Variants in PPP3CB observed in about 807,000 individuals in gnomAD.
The protein encoded by PPP3CB is protein phosphatase 3 catalytic subunit beta, also known as serine/threonine-protein phosphatase 2B catalytic subunit beta isoform.
PPP3CB carries 8 observed loss-of-function variants against 66.4 expected under a neutral mutation model. That is an observed-to-expected ratio of 0.12 (90% confidence interval 0.07 to 0.22). PPP3CB has a LOEUF of 0.22. Among genes scored for constraint, PPP3CB ranks in the 10% least tolerant of loss-of-function variants. The pLI is 1.00. For synonymous variants in PPP3CB, 208 were observed against 221.2 expected (o/e 0.94, Z 0.53); for missense variants, 319 against 642.5 (o/e 0.50, Z 5.44).
chr10:73,486,090 C>A (rs1438029546), intron 1 of PPP3CB, among the ~76,000 whole-genome samples: 1 of 151,716 alleles, frequency 6.6e-6, no homozygotes. Flanking sequence ...GGATTACAGG[C>A]GTGCACCACC....
chr10:73,472,870 A>G (rs1441866552), intron 4 of PPP3CB, among the ~76,000 whole-genome samples: 3 of 152,182 alleles, frequency 2.0e-5, no homozygotes, highest in Non-Finnish European at 1.5e-5. Flanking sequence ...GAGAGATATC[A>G]TGCACTTTCA....
At chr10:73,467,422 T>C in intron 9 of PPP3CB, 131 bp downstream of exon 9, 1 of 676,374 alleles carries the variant, frequency 1.5e-6, no homozygotes, top group Admixed American at 4.0e-5. Flanking sequence ...CCACACCCAC[T>C]GACACAAGGA....
Position 73,438,064 on chromosome 10 carries a change from T to C in PPP3CB, c.*178A>G, listed in dbSNP as rs2056093676. The stretch of plus-strand genomic sequence containing the variant: ...GCAGCGATGACCCAATCTTATCAGA[T>C]AGCACATGTCCCAGGGCCCTCAAGC... On this transcript the variant is annotated 3_prime_UTR_variant, in exon 14 of 14. Coordinates refer to ENST00000360663, the MANE Select transcript of PPP3CB (RefSeq NM_021132.4). 2 of 587,988 alleles carry C rather than the reference T, an allele frequency of 3.4e-6. No individual in the cohort carries two copies. Among genetic ancestry groups the C allele is most frequent in the Non-Finnish European group, 2.8e-6 (1 of 353,652 alleles). 36.4% of individuals were successfully genotyped at this position (587,988 alleles called of 1,614,324 possible). A position where few individuals can be genotyped will look rare whatever the true frequency, so the allele number is the denominator to read the frequency against.
intron 1 of PPP3CB, among the ~76,000 whole-genome samples, chr10:73,487,293 A>G (rs1404094219): frequency 6.6e-6 from 1 of 152,142 alleles, no homozygotes; most frequent in East Asian, 1.9e-4. Flanking sequence ...CATGCCTGTA[A>G]TCCCAGTACT....
At chr10:73,487,038 C>T (rs139779605) in intron 1 of PPP3CB, among the ~76,000 whole-genome samples, 1,784 of 152,084 alleles carry the variant, frequency 0.012, 41 homozygotes, top group African/African-American at 0.041. Flanking sequence ...GGCATGGTGT[C>T]GGGCTCCTAT....
chr10:73,485,114 G>C (rs2056950332), intron 1 of PPP3CB, among the ~76,000 whole-genome samples: 1 of 152,098 alleles, frequency 6.6e-6, no homozygotes, highest in African/African-American at 2.4e-5. Context: ...TAAAAATCTT[G>C]ATTTGGTAAC....
chr10:73,443,266 G>GAGAA (rs1164429950), intron 12 of PPP3CB, among the ~76,000 whole-genome samples: 96 of 64,506 alleles, frequency 1.5e-3, no homozygotes, highest in Non-Finnish European at 2.3e-3. Context: ...GAGAGAGAGA[G>GAGAA]AGAAAGAAAG....
At chr10:73,480,064 T>TGG (rs529386594) in intron 1 of PPP3CB, among the ~76,000 whole-genome samples, 69 of 152,074 alleles carry the variant, frequency 4.5e-4, no homozygotes, top group Non-Finnish European at 9.4e-4. Flanking sequence ...TACAAGGTGA[T>TGG]TTACCATGTT....
intron 4 of PPP3CB, among the ~76,000 whole-genome samples, chr10:73,472,306 C>G (rs1215633448): frequency 6.6e-6 from 1 of 152,044 alleles, no homozygotes; most frequent in Non-Finnish European, 1.5e-5. Flanking sequence ...ACCAGTCTGG[C>G]CAACATGGCA....
chr10:73,495,604 A>C, intron 1 of PPP3CB: 1 of 712,548 alleles, frequency 1.4e-6, no homozygotes, highest in Non-Finnish European at 2.0e-6. Context: ...CCCCGGCCTG[A>C]AAGCAACCGG....
At chr10:73,495,086 T>C (rs570395577) in intron 1 of PPP3CB, among the ~76,000 whole-genome samples, 1 of 152,346 alleles carries the variant, frequency 6.6e-6, no homozygotes, top group South Asian at 2.1e-4. Flanking sequence ...TGTGTGTTTG[T>C]AAGGGAGGGG....
chr10:73,488,060 C>G (rs2057015803), intron 1 of PPP3CB, among the ~76,000 whole-genome samples: 1 of 152,048 alleles, frequency 6.6e-6, no homozygotes, highest in Non-Finnish European at 1.5e-5. Flanking sequence ...GGGTTAGGGT[C>G]AGGCAAGTTT....
At chr10:73,453,883 G>GT (rs2132827019) in intron 10 of PPP3CB, among the ~76,000 whole-genome samples, 1 of 152,136 alleles carries the variant, frequency 6.6e-6, no homozygotes, top group African/African-American at 2.4e-5. Context: ...GTTGGCTTAC[G>GT]TAACAACAAC....
At position 73,452,970 on chromosome 10, in the gene PPP3CB, T is replaced by G. The variant is rs141101201; in HGVS notation, c.1186+1442A>C. Among the ~76,000 whole-genome samples the G allele has an allele frequency of 4.5e-3, 681 of 152,340 alleles. 3 individuals are homozygous for G. Among genetic ancestry groups the G allele is most frequent in the African/African-American group, 0.015 (636 of 41,588 alleles). On this transcript the variant is annotated intron_variant, in intron 10 of 13. Coordinates refer to ENST00000360663, the MANE Select transcript of PPP3CB (RefSeq NM_021132.4). Reference sequence around the variant, plus strand: ...TTTCTAAATAGGCTTCATTCAGATTTTACTCGAAAAGTGATCAAATGAAAT... The same window carrying G: ...TTTCTAAATAGGCTTCATTCAGATTGTACTCGAAAAGTGATCAAATGAAAT...
intron 1 of PPP3CB, among the ~76,000 whole-genome samples, chr10:73,489,136 T>G (rs1308317764): frequency 2.0e-5 from 3 of 152,246 alleles, no homozygotes; most frequent in African/African-American, 4.8e-5. Flanking sequence ...AAAATTATTC[T>G]GATTATTGTT....
intron 1 of PPP3CB, among the ~76,000 whole-genome samples, chr10:73,489,203 T>C (rs78795022): frequency 6.6e-6 from 1 of 152,182 alleles, no homozygotes; most frequent in Non-Finnish European, 1.5e-5. Flanking sequence ...TCATCCAATA[T>C]ACTTACCTTC....
Position 73,443,330 on chromosome 10 carries a change from A to AAGAAAGAAAG in PPP3CB, c.1366+1394_1366+1395insCTTTCTTTCT, listed in dbSNP as rs1458015567. On this transcript the variant is annotated intron_variant, in intron 12 of 13. Coordinates refer to ENST00000360663, the MANE Select transcript of PPP3CB (RefSeq NM_021132.4). ...AAAGAAAGAAAGAAAGAAAGAAAGA[A>AAGAAAGAAAG]AAAGAAAGAGAAGAGAAGAGAGAAA... 1.5e-3 allele frequency among the ~76,000 whole-genome samples: 207 copies of AAGAAAGAAAG among 138,112 alleles called. 4 individuals are homozygous for AAGAAAGAAAG. Among genetic ancestry groups the AAGAAAGAAAG allele is most frequent in the African/African-American group, 5.4e-3 (200 of 37,080 alleles). 90.6% of individuals were successfully genotyped at this position (138,112 alleles called of 152,430 possible).
chr10:73,471,019 T>C (rs1485621262), intron 6 of PPP3CB, 51 bp downstream of exon 6: 1 of 1,599,358 alleles, frequency 6.3e-7, no homozygotes, highest in South Asian at 1.1e-5. Flanking sequence ...GTATGAAGCA[T>C]ATGCTATGTT....
At chr10:73,455,050 T>TC (rs2056403670) in intron 9 of PPP3CB, among the ~76,000 whole-genome samples, 1 of 151,854 alleles carries the variant, frequency 6.6e-6, no homozygotes, top group African/African-American at 2.4e-5. Flanking sequence ...TTTTTGTATT[T>TC]TTTTTTTTTC....
Sources: gnomAD v4.1 joint callset for allele counts (sites outside exome capture counted in the v4.1 genomes callset) on GRCh38, gnomAD v4.1.1 for gene constraint, MANE v1.5 for transcripts, NCBI Gene and HGNC (gene_info 2026-07-23, HGNC 2026-07-21) for gene names.